SCN1A: variants seen among roughly 807,000 people sequenced by gnomAD.
The protein encoded by SCN1A is sodium channel protein type 1 subunit alpha.
A neutral mutation model predicts 193.7 loss-of-function variants in SCN1A; 13 were observed. The observed-to-expected ratio is 0.07, with a 90% CI of 0.04 to 0.11. The LOEUF (loss-of-function observed/expected upper bound fraction) is 0.11, where lower values mean the gene tolerates loss of function less well. Among genes scored for constraint, SCN1A ranks in the 10% least tolerant of loss-of-function variants. The pLI is 1.00. For synonymous variants in SCN1A, 781 were observed against 843.6 expected (o/e 0.93, Z 1.29); for missense variants, 1,432 against 2,451.1 (o/e 0.58, Z 8.78).
At chr2:166,103,176 C>T (rs1478820071) in intron 2 of SCN1A, among the ~76,000 whole-genome samples, 2 of 151,942 alleles carry the variant, frequency 1.3e-5, no homozygotes, top group South Asian at 2.1e-4. Context: ...GTAGGCTGGG[C>T]GCGGTGGCTC....
At chr2:166,141,092 TA>T (rs1423134420) in intron 1 of SCN1A, among the ~76,000 whole-genome samples, 1 of 152,126 alleles carries the variant, frequency 6.6e-6, no homozygotes, top group Non-Finnish European at 1.5e-5. Flanking sequence ...CTTGAACATG[TA>T]AATCAGCCAT....
intron 2 of SCN1A, among the ~76,000 whole-genome samples, chr2:166,101,813 C>A (rs141446526): frequency 6.6e-6 from 1 of 152,012 alleles, no homozygotes; most frequent in Non-Finnish European, 1.5e-5. Flanking sequence ...AAGGCCTTGG[C>A]AAAGATTTCA....
intron 1 of SCN1A, among the ~76,000 whole-genome samples, chr2:166,145,579 ACTTCTATCGCACATAT>A (rs1692290334): frequency 6.6e-6 from 1 of 151,832 alleles, no homozygotes; most frequent in African/African-American, 2.4e-5. Context: ...AGGCTTGTCT[ACTTCTATCGCACATAT>A]CAGGTCGAGA....
At chr2:166,099,039 C>A (rs1559329591) in intron 2 of SCN1A, among the ~76,000 whole-genome samples, 1 of 152,122 alleles carries the variant, frequency 6.6e-6, no homozygotes, top group East Asian at 1.9e-4. Context: ...CCAAAAAGAT[C>A]CTGACTAGCC....
rs1462589860 is a variant in SCN1A at position 166,036,034 on chromosome 2, C to T, written c.3429+14G>A. 1 of 1,612,362 alleles carries T rather than the reference C, an allele frequency of 6.2e-7. No individual in the cohort carries two copies. Among genetic ancestry groups the T allele is most frequent in the African/African-American group, 1.3e-5 (1 of 74,868 alleles). ...TATATGTATTCATACCTTCCCACAC[C>T]TATAGAATCTTACCTCTTTGCTTTC... On this transcript the variant is annotated intron_variant, in intron 19 of 28. Transcript: ENST00000674923.
chr2:166,142,899 C>G (rs943507879), intron 1 of SCN1A, among the ~76,000 whole-genome samples: 9 of 152,206 alleles, frequency 5.9e-5, no homozygotes, highest in African/African-American at 2.2e-4. Flanking sequence ...TGCACAAGCT[C>G]TCTTGCCTGC....
chr2:166,145,677 C>T (rs565398067), intron 1 of SCN1A, among the ~76,000 whole-genome samples: 2 of 152,040 alleles, frequency 1.3e-5, no homozygotes, highest in Non-Finnish European at 2.9e-5. Flanking sequence ...AATTCTGAGA[C>T]TCTAGCTTGT....
At chr2:166,114,723 T>A (rs1429315608) in intron 2 of SCN1A, among the ~76,000 whole-genome samples, 3 of 152,180 alleles carry the variant, frequency 2.0e-5, no homozygotes, top group African/African-American at 7.2e-5. Context: ...ATTAAATAAA[T>A]GTAAAACTAC....
intron 2 of SCN1A, chr2:166,126,453 G>C (rs1341873462): frequency 6.6e-6 from 1 of 152,164 alleles, no homozygotes; most frequent in Non-Finnish European, 1.5e-5. Context: ...TCACCCTGGC[G>C]TGCCAGGTAT....
chr2:165,995,299 G>GT lies in SCN1A; in HGVS notation c.4581+713dup, dbSNP rs1299539311. On this transcript the variant is annotated intron_variant, in intron 27 of 28. Transcript: ENST00000674923. ...ATCACAATATGAATATTTGCTAGTA[G>GT]TTTTTTCCTTGATGCACCCTAGGAA... Among the ~76,000 whole-genome samples the GT allele has an allele frequency of 4.0e-5, 6 of 151,880 alleles. No homozygotes were observed. In the South Asian group the frequency reaches 1.0e-3, roughly 26 times the overall value.
In SCN1A at chr2:166,097,159, C is replaced by T. The variant is rs188776880; in HGVS notation, c.-141-19358G>A. On this transcript the variant is annotated intron_variant, in intron 2 of 28. Coordinates refer to ENST00000674923, the MANE Select transcript of SCN1A (RefSeq NM_001165963.4). Reference sequence around the variant, plus strand: ...GGCTTAGCCTCCCAAGTAGCTGGGACTACAGGTGCATGCCACCACACCTGG... The same window carrying T: ...GGCTTAGCCTCCCAAGTAGCTGGGATTACAGGTGCATGCCACCACACCTGG... Among the ~76,000 whole-genome samples the T allele has an allele frequency of 5.1e-4, 77 of 151,986 alleles. No individual in the cohort carries two copies. In the Middle Eastern group the frequency reaches 0.017, roughly 34 times the overall value.
intron 2 of SCN1A, among the ~76,000 whole-genome samples, chr2:166,090,791 ACT>A (rs1421840009): frequency 4.6e-5 from 7 of 152,134 alleles, no homozygotes; most frequent in Admixed American, 4.6e-4. Flanking sequence ...CTAGAAGCAA[ACT>A]CTTAAAACAT....
At chr2:166,142,925 GTCTTT>G (rs1257400777) in intron 1 of SCN1A, among the ~76,000 whole-genome samples, 1 of 152,176 alleles carries the variant, frequency 6.6e-6, no homozygotes, top group Non-Finnish European at 1.5e-5. Context: ...TGTAAGGCGT[GTCTTT>G]TCTTTTCCTT....
intron 2 of SCN1A, among the ~76,000 whole-genome samples, chr2:166,084,611 C>A (rs1214801425): frequency 2.0e-5 from 3 of 152,102 alleles, no homozygotes; most frequent in African/African-American, 7.2e-5. Context: ...AGCATTTTAA[C>A]ACAAAATGCT....
intron 3 of SCN1A, among the ~76,000 whole-genome samples, chr2:166,077,332 C>A (rs938207372): frequency 6.6e-6 from 1 of 151,622 alleles, no homozygotes; most frequent in African/African-American, 2.4e-5. Context: ...GACTGTTACC[C>A]CAAACATGCA....
chr2:166,135,823 T>C (rs1691834614), intron 1 of SCN1A, among the ~76,000 whole-genome samples: 1 of 152,168 alleles, frequency 6.6e-6, no homozygotes, highest in Admixed American at 6.6e-5. Flanking sequence ...GCCCATGAGC[T>C]CAGTTGCTGC....
chr2:166,113,454 A>G (rs1164448825), intron 2 of SCN1A, among the ~76,000 whole-genome samples: 1 of 152,134 alleles, frequency 6.6e-6, no homozygotes, highest in African/African-American at 2.4e-5. Flanking sequence ...GTTTTACTCT[A>G]AGTCCCAATA....
At chr2:166,146,536 A>G (rs947583195) in intron 1 of SCN1A, among the ~76,000 whole-genome samples, 3 of 152,202 alleles carry the variant, frequency 2.0e-5, no homozygotes, top group Non-Finnish European at 4.4e-5. Flanking sequence ...GAGGGTTTCT[A>G]TGGACACTTT....
rs562287196 is a variant in SCN1A at position 166,120,227 on chromosome 2, T to C, written c.-142+6697A>G. ...CTTTATGTTCCTTTTCCTTTATGTA[T>C]TACTTTTATTATAAGAAAAAATAAG... is the stretch of plus-strand genomic sequence containing the variant. On this transcript the variant is annotated intron_variant, in intron 2 of 28. Coordinates refer to ENST00000674923, the MANE Select transcript of SCN1A (RefSeq NM_001165963.4). Among the ~76,000 whole-genome samples, 316 of 151,856 alleles carry C rather than the reference T, an allele frequency of 2.1e-3. 2 individuals carry two copies. Among genetic ancestry groups the C allele is most frequent in the Non-Finnish European group, 3.2e-3 (220 of 67,890 alleles).
Sources: allele counts gnomAD v4.1 joint callset (sites outside exome capture counted in the v4.1 genomes callset), GRCh38; gene constraint gnomAD v4.1.1; transcripts MANE v1.5; gene names NCBI Gene and HGNC (gene_info 2026-07-23, HGNC 2026-07-21).